TNC: variants seen among roughly 807,000 people sequenced by gnomAD.
TNC encodes the protein tenascin.
Under a neutral mutation model 202.4 loss-of-function variants are expected in TNC, and 109 were observed. The ratio of observed to expected loss-of-function variants is 0.54; its 90% CI spans 0.46 to 0.63. The LOEUF (loss-of-function observed/expected upper bound fraction) is 0.63, where lower values mean the gene tolerates loss of function less well. Among genes scored for constraint, TNC ranks in the 30% least tolerant of loss-of-function variants. The probability of loss-of-function intolerance (pLI) is 0.00; values close to 1 mark genes in which losing one functional copy is unlikely to be tolerated. For synonymous variants in TNC, 1,007 were observed against 1,089.7 expected (o/e 0.92, Z 1.50); for missense variants, 2,756 against 2,833.3 (o/e 0.97, Z 0.62).
At chr9:115,076,217 A>C (rs1833839358) in intron 8 of TNC, 96 bp from the exon 9 acceptor site, 1 of 1,441,626 alleles carries the variant, frequency 6.9e-7, no homozygotes. Flanking sequence ...TGGAGGCTAC[A>C]ACAAATTTTC....
In TNC at chr9:115,076,096, C is replaced by G; in HGVS notation, c.2886G>C (p.Gly962=). Residue 962 remains glycine, a synonymous_variant, in exon 9 of 28, where the codon GGG becomes GGC. Coordinates refer to ENST00000350763, the MANE Select transcript of TNC (RefSeq NM_002160.4). ...CTTCCTTCACAGCAGAAACTCCAAT[C>G]CCATATTCAGTTCCCGGCCTCAGAC... is the stretch of plus-strand genomic sequence containing the variant. ...LTGLRPGTEY[G]IGVSAVKEDK... The G allele has an allele frequency of 6.2e-7, 1 of 1,614,142 alleles. No homozygotes were observed. The highest frequency in any genetic ancestry group is 8.5e-7 in the Non-Finnish European group (1 of 1,180,010).
At chr9:115,022,799 C>A (rs529865236) in intron 27 of TNC, among the ~76,000 whole-genome samples, 8 of 152,120 alleles carry the variant, frequency 5.3e-5, no homozygotes, top group Admixed American at 5.2e-4. Context: ...AAATGATAAA[C>A]CCTTGAGATA....
In TNC at chr9:115,046,464, A is replaced by G; in HGVS notation, c.5071T>C (p.Tyr1691His). The G allele has an allele frequency of 6.2e-7, 1 of 1,614,148 alleles. No individual in the cohort carries two copies. Among genetic ancestry groups the G allele is most frequent in the Non-Finnish European group, 8.5e-7 (1 of 1,179,996 alleles). The part of the protein sequence containing the change: ...REATEYEIEL[Y>H]GISKGRRSQT... The stretch of plus-strand genomic sequence containing the variant: ...GATCGCCTTCCTTTGCTTATTCCAT[A>G]GAGTTCAATTTCGTATTCAGTAGCC... Residue 1691 changes from tyrosine to histidine, a missense_variant, in exon 17 of 28, where the codon TAT (tyrosine) becomes CAT (histidine). This residue lies in a region of TNC where 2,559 missense variants were observed against 2,546.0 expected (regional missense o/e 1.01). Transcript: ENST00000350763.
chr9:115,035,234 C>A lies in TNC; in HGVS notation c.5757G>T (p.Leu1919=), dbSNP rs1564415525. 4 of 1,612,980 alleles carry A rather than the reference C, an allele frequency of 2.5e-6. No individual in the cohort carries two copies. The highest frequency in any genetic ancestry group is 3.4e-6 in the Non-Finnish European group (4 of 1,179,524). The change falls in exon 22 of 28, where the codon CTG becomes CTT. Residue 1919 remains leucine (L), a synonymous_variant. Transcript: ENST00000350763. The part of the protein sequence containing the change: ...PPRASVTGYL[L]VYESVDGTVK... ...CTGTGCCATCCACTGATTCATAGAC[C>A]AGCAGGTAACCGGTGACTGATGCCC... is the stretch of plus-strand genomic sequence containing the variant.
chr9:115,085,718 A>T, intron 3 of TNC, 146 bp downstream of exon 3: 1 of 860,904 alleles, frequency 1.2e-6, no homozygotes, highest in Non-Finnish European at 1.7e-6. Context: ...AAAAGTCATT[A>T]TGGGTGTGTG....
intron 1 of TNC, among the ~76,000 whole-genome samples, chr9:115,097,199 T>C (rs1214101439): frequency 6.6e-6 from 1 of 152,212 alleles, no homozygotes; most frequent in Non-Finnish European, 1.5e-5. Flanking sequence ...CTGCTCCCTA[T>C]GGCCATTCCC....
intron 15 of TNC, among the ~76,000 whole-genome samples, chr9:115,055,086 A>T (rs963973052): frequency 6.0e-5 from 9 of 151,034 alleles, no homozygotes; most frequent in Admixed American, 4.6e-4. Flanking sequence ...CAGAAATGGC[A>T]TGCACATACC....
At chr9:115,096,916 G>A (rs968892030) in intron 1 of TNC, among the ~76,000 whole-genome samples, 1 of 152,116 alleles carries the variant, frequency 6.6e-6, no homozygotes, top group African/African-American at 2.4e-5. Context: ...CTAAAACCAA[G>A]TTGCTCCAGG....
chr9:115,024,219 C>A, intron 26 of TNC, 83 bp from the exon 27 acceptor site: 1 of 1,459,580 alleles, frequency 6.9e-7, no homozygotes. Context: ...CCAGAGGTGA[C>A]AATTGAAAGG....
intron 1 of TNC, among the ~76,000 whole-genome samples, chr9:115,100,845 A>C (rs935316824): frequency 8.5e-5 from 13 of 152,196 alleles, no homozygotes; most frequent in African/African-American, 2.4e-4. Flanking sequence ...TGTATACCTT[A>C]AATGTATAAA....
chr9:115,043,715 C>A (rs531975463), intron 17 of TNC, among the ~76,000 whole-genome samples: 1 of 150,092 alleles, frequency 6.7e-6, no homozygotes, highest in African/African-American at 2.5e-5. Flanking sequence ...TAGGAAAGAT[C>A]GAGATGAGTC....
At chr9:115,077,465 C>T (rs1833962964) in intron 7 of TNC, among the ~76,000 whole-genome samples, 1 of 152,248 alleles carries the variant, frequency 6.6e-6, no homozygotes, top group Non-Finnish European at 1.5e-5. Flanking sequence ...GCTGGGATTA[C>T]AGGCGTGAGC....
chr9:115,079,214 T>C (rs1834113559), intron 6 of TNC, among the ~76,000 whole-genome samples: 2 of 152,064 alleles, frequency 1.3e-5, no homozygotes. Context: ...AATCTTTCTT[T>C]CTTCTTCTTC....
chr9:115,067,835 A>ATT (rs968535425), intron 10 of TNC, among the ~76,000 whole-genome samples: 6 of 142,916 alleles, frequency 4.2e-5, no homozygotes, highest in East Asian at 2.0e-4. Context: ...TTTCTCTACT[A>ATT]TTTTTTTTTT....
At chr9:115,051,780 G>C (rs1252937393) in intron 15 of TNC, among the ~76,000 whole-genome samples, 7 of 151,786 alleles carry the variant, frequency 4.6e-5, no homozygotes, top group East Asian at 1.9e-4. Flanking sequence ...TCACTTTTTA[G>C]GCAGAATCTC....
chr9:115,044,234 G>A (rs886261946), intron 17 of TNC, among the ~76,000 whole-genome samples: 1 of 150,960 alleles, frequency 6.6e-6, no homozygotes, highest in African/African-American at 2.4e-5. Flanking sequence ...AATGGTATGA[G>A]GGAGGAAGAG....
chr9:115,094,814 CCTCTGTGTGTGTGTGTGTGT>C (rs755554568), intron 1 of TNC, among the ~76,000 whole-genome samples: 7,059 of 66,736 alleles, frequency 0.11, 283 homozygotes, highest in Admixed American at 0.16. Context: ...AGAACAAGTG[CCTCTGTGTGTGTGTGTGTGT>C]GTGTGTGTGT....
chr9:115,070,766 C>A (rs891231743), intron 10 of TNC, among the ~76,000 whole-genome samples: 18 of 152,218 alleles, frequency 1.2e-4, no homozygotes, highest in African/African-American at 4.3e-4. Flanking sequence ...GATGGTTGAA[C>A]CTAAAACTCT....
At chr9:115,114,550 C>A (rs1007687473) in intron 1 of TNC, among the ~76,000 whole-genome samples, 1 of 152,178 alleles carries the variant, frequency 6.6e-6, no homozygotes, top group Non-Finnish European at 1.5e-5. Context: ...CCATTGAGAG[C>A]TGACCTTTGC....
Sources: allele counts gnomAD v4.1 joint callset (sites outside exome capture counted in the v4.1 genomes callset), GRCh38; gene constraint gnomAD v4.1.1; regional missense constraint gnomAD v4.1.1; transcripts MANE v1.5; gene names NCBI Gene and HGNC (gene_info 2026-07-23, HGNC 2026-07-21).